The following MCTP1 variants were observed in gnomAD, a reference collection of about 807,000 sequenced individuals.
The protein encoded by MCTP1 is multiple C2 and transmembrane domain-containing protein 1.
MCTP1 carries 69 observed loss-of-function variants against 120.6 expected under a neutral mutation model. The observed-to-expected ratio is 0.57, with a 90% confidence interval of 0.47 to 0.70. The LOEUF (loss-of-function observed/expected upper bound fraction) is 0.70. Among genes scored for constraint, MCTP1 ranks in the 30% least tolerant of loss-of-function variants. The pLI, the probability that MCTP1 is intolerant of heterozygous loss-of-function variation, is 0.00. For synonymous variants in MCTP1, 529 were observed against 493.1 expected, an observed-to-expected ratio of 1.07 and a Z score of -0.96; for missense variants, 1,203 against 1,248.8, an observed-to-expected ratio of 0.96 and a Z score of 0.55.
chr5:95,052,074 G>T (rs1012037982), intron 1 of MCTP1, among the ~76,000 whole-genome samples: 7 of 152,268 alleles, frequency 4.6e-5, no homozygotes, highest in Admixed American at 2.0e-4. Context: ...AGCTGCAAGA[G>T]GGTATCCTAA....
At chr5:94,868,109 G>C (rs1797156920) in intron 17 of MCTP1, 1 of 350,300 alleles carries the variant, frequency 2.9e-6, no homozygotes, top group Admixed American at 4.7e-5. Context: ...CATTGGCTGA[G>C]ATGTCTTGCG....
chr5:95,015,385 A>T (rs546826270), intron 2 of MCTP1, among the ~76,000 whole-genome samples: 1 of 152,214 alleles, frequency 6.6e-6, no homozygotes, highest in East Asian at 1.9e-4. Flanking sequence ...GGGGTGCTAA[A>T]ATATTGTCAT....
At chr5:95,192,743 G>A (rs1749961613) in intron 1 of MCTP1, among the ~76,000 whole-genome samples, 1 of 152,070 alleles carries the variant, frequency 6.6e-6, no homozygotes, top group African/African-American at 2.4e-5. Context: ...CTCTGAAAAG[G>A]CTTTAATTAA....
chr5:94,787,613 TTTTTTTTTG>T (rs1262006865), intron 18 of MCTP1, among the ~76,000 whole-genome samples: 2 of 144,152 alleles, frequency 1.4e-5, no homozygotes, highest in Admixed American at 1.4e-4. Flanking sequence ...GCACTTACTG[TTTTTTTTTG>T]TTTTTTTTTT....
At chr5:95,166,489 A>C (rs162475) in intron 1 of MCTP1, among the ~76,000 whole-genome samples, 1 of 151,568 alleles carries the variant, frequency 6.6e-6, no homozygotes, top group African/African-American at 2.4e-5. Context: ...TCCATAATTC[A>C]TATTACTTTT....
At chr5:95,098,019 A>G (rs535989459) in intron 1 of MCTP1, among the ~76,000 whole-genome samples, 93 of 152,336 alleles carry the variant, frequency 6.1e-4, no homozygotes, top group African/African-American at 2.0e-3. Flanking sequence ...AGTTTCTGAC[A>G]TATTTTTCTC....
rs2152506001 is a variant in MCTP1, at chr5:94,704,357, CTTTT to C, written c.*3135_*3138del. 1 of 151,442 alleles carries C rather than the reference CTTTT, an allele frequency of 6.6e-6. No homozygotes were observed. The highest frequency in any genetic ancestry group is 2.4e-5 in the African/African-American group (1 of 41,426). 9.4% of individuals were successfully genotyped at this position (151,442 alleles called of 1,614,324 possible). ...GCAAAAAGGTATAACTGCCTTATAC[CTTTT>C]TGTTTGTTCTTAATGCTTAGTCAAC... is the stretch of plus-strand genomic sequence containing the variant. On this transcript the variant is annotated 3_prime_UTR_variant, in exon 23 of 23. Coordinates refer to ENST00000515393, the MANE Select transcript of MCTP1 (RefSeq NM_024717.7).
intron 19 of MCTP1, among the ~76,000 whole-genome samples, chr5:94,765,949 G>T (rs1303298756): frequency 6.6e-6 from 1 of 151,958 alleles, no homozygotes; most frequent in South Asian, 2.1e-4. Flanking sequence ...TAACAAATTA[G>T]AAAACCTAGA....
intron 2 of MCTP1, among the ~76,000 whole-genome samples, chr5:94,982,628 C>T (rs145950665): frequency 3.3e-5 from 5 of 152,098 alleles, no homozygotes; most frequent in African/African-American, 9.6e-5. Flanking sequence ...TGGTCACGCA[C>T]CTGTAATCCC....
At chr5:95,200,249 G>T (rs997293266) in intron 1 of MCTP1, among the ~76,000 whole-genome samples, 10 of 151,716 alleles carry the variant, frequency 6.6e-5, no homozygotes, top group African/African-American at 2.4e-4. Flanking sequence ...CTATTGGCAG[G>T]AATGCAAATT....
intron 1 of MCTP1, among the ~76,000 whole-genome samples, chr5:95,274,344 C>T (rs935966648): frequency 2.7e-4 from 41 of 152,196 alleles, no homozygotes; most frequent in Admixed American, 1.2e-3. Flanking sequence ...GCCTACAGAC[C>T]TCCCTGCATC....
chr5:95,124,375 GA>G (rs1300464000), intron 1 of MCTP1, among the ~76,000 whole-genome samples: 1 of 152,168 alleles, frequency 6.6e-6, no homozygotes, highest in Non-Finnish European at 1.5e-5. Context: ...TTATAAAATG[GA>G]AAAAGGCACT....
intron 1 of MCTP1, among the ~76,000 whole-genome samples, chr5:95,124,348 A>G (rs764884123): frequency 6.6e-6 from 1 of 152,254 alleles, no homozygotes; most frequent in Non-Finnish European, 1.5e-5. Flanking sequence ...AGCACATGCT[A>G]TCTGTCAAGA....
chr5:94,888,835 G>T, intron 12 of MCTP1, 44 bp downstream of exon 12: 2 of 1,195,172 alleles, frequency 1.7e-6, no homozygotes, highest in Non-Finnish European at 2.5e-6. Context: ...TAGACCTTGT[G>T]TGCTGCTTGA....
intron 2 of MCTP1, among the ~76,000 whole-genome samples, chr5:94,982,475 T>G (rs1371232379): frequency 1.3e-5 from 2 of 152,162 alleles, no homozygotes; most frequent in East Asian, 3.9e-4. Flanking sequence ...AATTCTAAAA[T>G]GTACCCCCAA....
intron 1 of MCTP1, among the ~76,000 whole-genome samples, chr5:95,231,935 C>T (rs1194726041): frequency 1.3e-5 from 2 of 151,942 alleles, no homozygotes; most frequent in African/African-American, 2.4e-5. Context: ...AAACCTAAAG[C>T]AGTGTTTTCA....
chr5:95,143,580 C>A (rs1272142114), intron 1 of MCTP1, among the ~76,000 whole-genome samples: 1 of 152,078 alleles, frequency 6.6e-6, no homozygotes, highest in African/African-American at 2.4e-5. Context: ...CTAATAGTCA[C>A]CAGTTTCTAC....
At chr5:95,054,013 G>C (rs1237449717) in intron 1 of MCTP1, among the ~76,000 whole-genome samples, 1 of 152,186 alleles carries the variant, frequency 6.6e-6, no homozygotes, top group Non-Finnish European at 1.5e-5. Context: ...GTTCCACACT[G>C]AGCTGCTCAG....
intron 1 of MCTP1, among the ~76,000 whole-genome samples, chr5:95,224,492 T>C (rs1304115581): frequency 6.7e-6 from 1 of 149,246 alleles, no homozygotes; most frequent in Non-Finnish European, 1.5e-5. Flanking sequence ...ATATTTTAGG[T>C]GCACACAGAC....
Sources: allele counts gnomAD v4.1 joint callset (sites outside exome capture counted in the v4.1 genomes callset), GRCh38; gene constraint gnomAD v4.1.1; transcripts MANE v1.5; gene names NCBI Gene and HGNC (gene_info 2026-07-23, HGNC 2026-07-21).